The following PYHIN1 variants were observed in gnomAD, a reference collection of about 807,000 sequenced individuals.
PYHIN1 encodes pyrin and HIN domain-containing protein 1.
A neutral mutation model predicts 43.7 loss-of-function variants in PYHIN1; 32 were observed. The ratio of observed to expected loss-of-function variants is 0.73; its 90% CI spans 0.55 to 0.98. The LOEUF is 0.98. Ranked by LOEUF, PYHIN1 falls within the 50% of genes least tolerant of loss-of-function variation. PYHIN1 has a pLI of 0.00. For synonymous variants in PYHIN1, 205 were observed against 203.1 expected (o/e 1.01, Z -0.08); for missense variants, 588 against 589.5 (o/e 1.00, Z 0.03).
At position 158,976,708 on chromosome 1, in the gene PYHIN1, A is replaced by G. The variant is rs189849824; in HGVS notation, c.*13A>G. 1.3e-6 allele frequency: 2 copies of G among 1,599,694 alleles called. No individual in the cohort carries two copies. Among genetic ancestry groups the G allele is most frequent in the East Asian group, 4.5e-5 (2 of 44,262 alleles). On this transcript the variant is annotated 3_prime_UTR_variant, in exon 9 of 9. Transcript: ENST00000368140. ...ATCTCTTTATGCTTCAAGGTCACCAAGGACAAGGATATCAAATAACTACTG... is the reference window on the plus strand; with the variant it reads ...ATCTCTTTATGCTTCAAGGTCACCAGGGACAAGGATATCAAATAACTACTG...
At chr1:158,958,029 A>C (rs1403031291) in intron 7 of PYHIN1, among the ~76,000 whole-genome samples, 1 of 152,268 alleles carries the variant, frequency 6.6e-6, no homozygotes, top group Non-Finnish European at 1.5e-5. Flanking sequence ...TGGCCATCAG[A>C]GAAATGCCAA....
chr1:158,969,010 C>A (rs1294347019), intron 7 of PYHIN1, among the ~76,000 whole-genome samples: 1 of 151,876 alleles, frequency 6.6e-6, no homozygotes, highest in African/African-American at 2.4e-5. Flanking sequence ...TGCAGTTTAC[C>A]TATGTAACAA....
intron 7 of PYHIN1, among the ~76,000 whole-genome samples, chr1:158,964,476 AGAAG>A (rs1650503989): frequency 6.6e-6 from 1 of 152,176 alleles, no homozygotes; most frequent in African/African-American, 2.4e-5. Flanking sequence ...ACAGCTAGAG[AGAAG>A]GGGCAGGTCA....
intron 7 of PYHIN1, among the ~76,000 whole-genome samples, chr1:158,972,564 T>A (rs1241083789): frequency 5.3e-5 from 8 of 151,812 alleles, no homozygotes; most frequent in Admixed American, 5.3e-4. Context: ...AATACAAGAG[T>A]GTGTTCCTCT....
At chr1:158,934,152 C>T (rs532688041) in intron 1 of PYHIN1, among the ~76,000 whole-genome samples, 94 of 152,174 alleles carry the variant, frequency 6.2e-4, no homozygotes, top group African/African-American at 2.2e-3. Context: ...ATAAAGATTA[C>T]TTAATGCACA....
rs201139174 is a variant in PYHIN1, at chr1:158,976,709, G to A, written c.*14G>A. On this transcript the variant is annotated 3_prime_UTR_variant, in exon 9 of 9. Coordinates refer to ENST00000368140, the MANE Select transcript of PYHIN1 (RefSeq NM_152501.5). ...TCTCTTTATGCTTCAAGGTCACCAAGGACAAGGATATCAAATAACTACTGT... is the reference window on the plus strand; with the variant it reads ...TCTCTTTATGCTTCAAGGTCACCAAAGACAAGGATATCAAATAACTACTGT... 1.9e-4 allele frequency: 311 copies of A among 1,597,078 alleles called. 1 individual carries two copies. The highest frequency in any genetic ancestry group is 3.5e-4 in the South Asian group (31 of 87,736).
At chr1:158,946,547 T>TTAAA in intron 7 of PYHIN1, among the ~76,000 whole-genome samples, 1 of 148,542 alleles carries the variant, frequency 6.7e-6, no homozygotes, top group Admixed American at 6.8e-5. Flanking sequence ...AGCACAGTGA[T>TTAAA]TAGATAGATA....
intron 7 of PYHIN1, among the ~76,000 whole-genome samples, chr1:158,969,748 C>T (rs529396524): frequency 2.0e-4 from 30 of 152,058 alleles, no homozygotes; most frequent in South Asian, 1.7e-3. Context: ...CATTTTCTGA[C>T]GCATAATGGC....
At position 158,942,303 on chromosome 1, in the gene PYHIN1, G is replaced by A. The variant is rs1354402390; in HGVS notation, c.906G>A (p.Lys302=). 3 of 1,613,870 alleles carry A rather than the reference G, an allele frequency of 1.9e-6. No individual in the cohort carries two copies. In the Admixed American group the frequency reaches 5.0e-5, roughly 27 times the overall value. Residue 302 remains lysine (K), a synonymous_variant, in exon 5 of 9, where the codon AAG becomes AAA. Transcript: ENST00000368140. ...AGPDQTFEVP[K]DIIRRAKKIP... is the part of the protein sequence containing the mutation. ...CTGACCAAACGTTTGAGGTTCCAAA[G>A]GACATCATCAGAAGAGCAAAGAAAA...
intron 7 of PYHIN1, among the ~76,000 whole-genome samples, chr1:158,947,057 A>G (rs1190575834): frequency 1.3e-5 from 2 of 152,140 alleles, no homozygotes; most frequent in Non-Finnish European, 2.9e-5. Flanking sequence ...TACACAAGAT[A>G]CTATCTTGTA....
chr1:158,979,723 AT>A (rs1486994691), downstream of PYHIN1, among the ~76,000 whole-genome samples: 2 of 152,004 alleles, frequency 1.3e-5, no homozygotes, highest in Non-Finnish European at 2.9e-5. Context: ...TGGTATTCAT[AT>A]TTTTTTCTTC....
At chr1:158,955,971 A>T (rs2101693282) in intron 7 of PYHIN1, among the ~76,000 whole-genome samples, 1 of 138,510 alleles carries the variant, frequency 7.2e-6, no homozygotes, top group Non-Finnish European at 1.6e-5. Context: ...AATACTACAA[A>T]CACCTCTATG....
rs4053507 is a variant in PYHIN1, at chr1:158,946,547, T to TTAGATAGATAGA, written c.1359+1539_1359+1550dup. Among the ~76,000 whole-genome samples the TTAGATAGATAGA allele has an allele frequency of 5.8e-3, 862 of 148,538 alleles. 2 individuals are homozygous for TTAGATAGATAGA. The highest frequency in any genetic ancestry group is 8.1e-3 in the South Asian group (37 of 4,580). ...TGAAAGAATCCTTCTAGCACAGTGATTAGATAGATAGATAGATAGATAGAT... is the reference window on the plus strand; with the variant it reads ...TGAAAGAATCCTTCTAGCACAGTGATTAGATAGATAGATAGATAGATAGATAGATAGATAGAT... On this transcript the variant is annotated intron_variant, in intron 7 of 8. Coordinates refer to ENST00000368140, the MANE Select transcript of PYHIN1 (RefSeq NM_152501.5).
intron 7 of PYHIN1, among the ~76,000 whole-genome samples, chr1:158,951,756 A>AT (rs147364224): frequency 3.2e-4 from 49 of 151,780 alleles, no homozygotes; most frequent in African/African-American, 1.0e-3. Flanking sequence ...GCAATCAGGA[A>AT]TTTTTTTTTC....
At position 158,973,537 on chromosome 1, in the gene PYHIN1, A is replaced by ACC; in HGVS notation, c.1360-110_1360-109insCC. ...CACACACACACACACACACACACACATATACACACATGTATTACATCCAAC... is the reference window on the plus strand; with the variant it reads ...CACACACACACACACACACACACACACCTATACACACATGTATTACATCCAAC... On this transcript the variant is annotated intron_variant, in intron 7 of 8. Coordinates refer to ENST00000368140, the MANE Select transcript of PYHIN1 (RefSeq NM_152501.5). 4 of 1,067,570 alleles carry ACC rather than the reference A, an allele frequency of 3.7e-6. No individual in the cohort carries two copies. The South Asian group carries it at 5.6e-5, about 15-fold the overall frequency. The allele number at this position is 1,067,570 out of a possible 1,614,324, so 66.1% of individuals were successfully genotyped here.
At chr1:158,979,590 AG>A (rs750079098), downstream of PYHIN1, among the ~76,000 whole-genome samples, 40 of 152,318 alleles carry the variant, frequency 2.6e-4, no homozygotes, top group Non-Finnish European at 4.0e-4. Flanking sequence ...ACATTTAGGT[AG>A]TTTTCACATC....
At chr1:158,949,925 C>A (rs1400089341) in intron 7 of PYHIN1, among the ~76,000 whole-genome samples, 2 of 152,306 alleles carry the variant, frequency 1.3e-5, no homozygotes, top group Middle Eastern at 3.4e-3. Flanking sequence ...CATGATGTAG[C>A]CACAATTGGG....
chr1:158,957,287 G>A lies in PYHIN1; in HGVS notation c.1359+12245G>A, dbSNP rs1315221432. 4.1e-4 allele frequency among the ~76,000 whole-genome samples: 62 copies of A among 151,310 alleles called. No individual in the cohort carries two copies. In the East Asian group the frequency reaches 5.7e-3, roughly 14 times the overall value. On this transcript the variant is annotated intron_variant, in intron 7 of 8. Coordinates refer to ENST00000368140, the MANE Select transcript of PYHIN1 (RefSeq NM_152501.5). ...TTCATATGGAACCAAAAAAGAGCCC[G>A]CATTGCCAAGGCAATCCTAAGCCAA...
At chr1:158,980,404 G>A (rs187924339), downstream of PYHIN1, among the ~76,000 whole-genome samples, 133 of 152,206 alleles carry the variant, frequency 8.7e-4, 1 homozygote, top group African/African-American at 3.0e-3. Context: ...TGGGCAAAAC[G>A]AGCCGTATTT....
Sources: gnomAD v4.1 joint callset for allele counts (sites outside exome capture counted in the v4.1 genomes callset) on GRCh38, gnomAD v4.1.1 for gene constraint, MANE v1.5 for transcripts, NCBI Gene and HGNC (gene_info 2026-07-23, HGNC 2026-07-21) for gene names.